The following ADGRG6 variants were observed in gnomAD, a reference collection of about 807,000 sequenced individuals.
ADGRG6 encodes the protein G-protein coupled receptor 126.
ADGRG6 carries 84 observed loss-of-function variants against 142.4 expected under a neutral mutation model. The ratio of observed to expected loss-of-function variants is 0.59; its 90% confidence interval spans 0.49 to 0.71. The LOEUF (loss-of-function observed/expected upper bound fraction) is 0.71. Among genes scored for constraint, ADGRG6 ranks in the 30% least tolerant of loss-of-function variants. ADGRG6 has a pLI of 0.00. For missense variants in ADGRG6, 1,367 were observed against 1,466.6 expected (o/e 0.93, Z 1.11); for synonymous variants, 521 against 520.5 (o/e 1.00, Z -0.01).
chr6:142,334,837 A>G (rs917121775), intron 2 of ADGRG6, among the ~76,000 whole-genome samples: 5 of 152,238 alleles, frequency 3.3e-5, no homozygotes, highest in Non-Finnish European at 5.9e-5. Flanking sequence ...ATGAAATAAG[A>G]TGAACTGTGG....
intron 4 of ADGRG6, among the ~76,000 whole-genome samples, chr6:142,378,285 C>T (rs1264880932): frequency 6.6e-6 from 1 of 152,136 alleles, no homozygotes; most frequent in Non-Finnish European, 1.5e-5. Flanking sequence ...CCTTTGTCTT[C>T]CAGAGATATT....
At chr6:142,442,406 C>A in intron 24 of ADGRG6, among the ~76,000 whole-genome samples, 1 of 152,044 alleles carries the variant, frequency 6.6e-6, no homozygotes, top group East Asian at 1.9e-4. Flanking sequence ...AACCATACGT[C>A]TTTATAGATA....
At chr6:142,362,871 A>C (rs1472481868) in intron 2 of ADGRG6, among the ~76,000 whole-genome samples, 7 of 152,194 alleles carry the variant, frequency 4.6e-5, no homozygotes. Flanking sequence ...GCTGGCCCTT[A>C]GGTTTAATTT....
chr6:142,387,882 C>T (rs989193737), intron 6 of ADGRG6, among the ~76,000 whole-genome samples: 10 of 152,002 alleles, frequency 6.6e-5, no homozygotes, highest in South Asian at 2.1e-4. Flanking sequence ...CATTTTTCCC[C>T]AATTAATGTC....
intron 2 of ADGRG6, among the ~76,000 whole-genome samples, chr6:142,325,656 A>G (rs554369277): frequency 6.6e-6 from 1 of 152,250 alleles, no homozygotes; most frequent in African/African-American, 2.4e-5. Context: ...CTGTAACCAT[A>G]GCTGTATTCA....
intron 2 of ADGRG6, among the ~76,000 whole-genome samples, chr6:142,324,222 A>G (rs571121388): frequency 1.2e-4 from 19 of 152,238 alleles, no homozygotes; most frequent in African/African-American, 3.8e-4. Flanking sequence ...ATCTAGCAGT[A>G]AAGCACTTTC....
intron 14 of ADGRG6, chr6:142,404,258 C>A: frequency 2.8e-6 from 1 of 357,270 alleles, no homozygotes; most frequent in Non-Finnish European, 5.1e-6. Flanking sequence ...AGCATCAGTT[C>A]AGTTAGAGGA....
Position 142,370,485 on chromosome 6 carries a change from G to C in ADGRG6, c.761G>C (p.Cys254Ser). Residue 254 changes from cysteine to serine, a missense_variant, in exon 4 of 25, where the codon TGC becomes TCC. Physicochemically the swap from Cys to Ser is moderately radical, Grantham distance 112. Transcript: ENST00000367609. The part of the protein sequence containing the change: ...DIFAESFEQL[C>S]LVWNNSLGSI... ...TTTGCAGAAAGCTTTGAACAGCTCT[G>C]CCTTGTTTGGAATAATTCTTTGGGC... 6.2e-7 allele frequency: 1 copy of C among 1,613,404 alleles called. No homozygotes were observed. Among genetic ancestry groups the C allele is most frequent in the Non-Finnish European group, 8.5e-7 (1 of 1,179,370 alleles).
intron 1 of ADGRG6, among the ~76,000 whole-genome samples, chr6:142,305,271 A>G (rs1777431473): frequency 6.6e-6 from 1 of 152,156 alleles, no homozygotes; most frequent in South Asian, 2.1e-4. Context: ...ACTCTTTTAG[A>G]AATCATTTTA....
At chr6:142,367,085 G>T (rs1382642908) in intron 2 of ADGRG6, among the ~76,000 whole-genome samples, 1 of 151,920 alleles carries the variant, frequency 6.6e-6, no homozygotes, top group Non-Finnish European at 1.5e-5. Flanking sequence ...TATTTTCTAA[G>T]AGTTTCTCTT....
At chr6:142,404,970 G>A (rs1397350130) in intron 14 of ADGRG6, among the ~76,000 whole-genome samples, 3 of 152,270 alleles carry the variant, frequency 2.0e-5, no homozygotes, top group East Asian at 1.9e-4. Context: ...AGCCACCAGA[G>A]CAAACAAAAT....
At chr6:142,420,634 T>C (rs939383312) in intron 22 of ADGRG6, among the ~76,000 whole-genome samples, 1 of 152,104 alleles carries the variant, frequency 6.6e-6, no homozygotes, top group African/African-American at 2.4e-5. Context: ...CTTTTATCTT[T>C]TTATGAGAAA....
chr6:142,337,672 G>A (rs1779383650), intron 2 of ADGRG6, among the ~76,000 whole-genome samples: 1 of 152,046 alleles, frequency 6.6e-6, no homozygotes, highest in African/African-American at 2.4e-5. Flanking sequence ...CATTTCTACA[G>A]GTTTGTTCCC....
At chr6:142,328,537 A>G (rs1778891837) in intron 2 of ADGRG6, among the ~76,000 whole-genome samples, 1 of 152,180 alleles carries the variant, frequency 6.6e-6, no homozygotes, top group East Asian at 1.9e-4. Context: ...TTTCATCTTG[A>G]TAGCCAGGAG....
intron 2 of ADGRG6, among the ~76,000 whole-genome samples, chr6:142,356,846 A>G (rs1182109295): frequency 2.0e-5 from 3 of 152,256 alleles, no homozygotes; most frequent in African/African-American, 7.2e-5. Context: ...TTACTTCAAA[A>G]GGAAGGTGAT....
chr6:142,408,680 T>C (rs1422435776), intron 16 of ADGRG6, among the ~76,000 whole-genome samples: 1 of 152,176 alleles, frequency 6.6e-6, no homozygotes. Context: ...GGTGGACTTA[T>C]TTTTTGAGAG....
In ADGRG6 at chr6:142,446,024, G is replaced by C. The variant is rs1044412929; in HGVS notation, c.*2509G>C. ...ATATGTCAATTGGTTTCCTTTCTTA[G>C]CTTGATATTGCCTAGCTTTGTTGTT... On this transcript the variant is annotated 3_prime_UTR_variant, in exon 25 of 25. Transcript: ENST00000367609. 27 of 152,332 alleles carry C rather than the reference G, an allele frequency of 1.8e-4. No homozygotes were observed. Among genetic ancestry groups the C allele is most frequent in the African/African-American group, 6.3e-4 (26 of 41,350 alleles). The allele number at this position is 152,332 out of a possible 1,614,324, so 9.4% of individuals were successfully genotyped here. A position where few individuals can be genotyped will look rare whatever the true frequency, so the allele number is the denominator to read the frequency against.
chr6:142,305,594 A>G (rs1191277383), intron 1 of ADGRG6, among the ~76,000 whole-genome samples: 1 of 152,214 alleles, frequency 6.6e-6, no homozygotes, highest in Admixed American at 6.5e-5. Context: ...GAGATCCTGT[A>G]TACCTTTGAC....
In ADGRG6 at chr6:142,323,854, A is replaced by G. The variant is rs145893678; in HGVS notation, c.103+14210A>G. On this transcript the variant is annotated intron_variant, in intron 2 of 24. Transcript: ENST00000367609. Reference sequence around the variant, plus strand: ...TATATTTGGTCTGTCGTTGACTGAAACGTTGTTATGGGGTGCATGGCTGTA... The same window carrying G: ...TATATTTGGTCTGTCGTTGACTGAAGCGTTGTTATGGGGTGCATGGCTGTA... Among the ~76,000 whole-genome samples, 634 of 152,176 alleles carry G rather than the reference A, an allele frequency of 4.2e-3. 4 individuals are homozygous for G. Among genetic ancestry groups the G allele is most frequent in the African/African-American group, 0.014 (600 of 41,518 alleles).
Sources: allele counts gnomAD v4.1 joint callset (sites outside exome capture counted in the v4.1 genomes callset), GRCh38; gene constraint gnomAD v4.1.1; transcripts MANE v1.5; gene names NCBI Gene and HGNC (gene_info 2026-07-23, HGNC 2026-07-21).